The following KIAA1328 variants were observed in gnomAD, a reference collection of about 807,000 sequenced individuals.
The protein encoded by KIAA1328 is KIAA1328.
In KIAA1328, 52 loss-of-function variants were observed where a neutral mutation model predicts 68.1. The observed-to-expected ratio is 0.76, with a 90% confidence interval of 0.61 to 0.96. The LOEUF is 0.96. Among genes scored for constraint, KIAA1328 ranks in the 40% least tolerant of loss-of-function variants. The pLI is 0.00. For synonymous variants in KIAA1328, 232 were observed against 239.4 expected (o/e 0.97, Z 0.28); for missense variants, 641 against 677.6 (o/e 0.95, Z 0.60).
chr18:36,899,567 G>A (rs2048969075), intron 5 of KIAA1328, among the ~76,000 whole-genome samples: 1 of 151,860 alleles, frequency 6.6e-6, no homozygotes, highest in Non-Finnish European at 1.5e-5. Context: ...TGATTGGACT[G>A]ACGTGGCAAT....
chr18:37,117,291 C>T (rs1169516756), intron 7 of KIAA1328, among the ~76,000 whole-genome samples: 1 of 152,168 alleles, frequency 6.6e-6, no homozygotes, highest in Non-Finnish European at 1.5e-5. Flanking sequence ...GGCACATATA[C>T]ACCATGGAAT....
chr18:37,095,467 T>G (rs1441224441), intron 7 of KIAA1328, among the ~76,000 whole-genome samples: 1 of 152,092 alleles, frequency 6.6e-6, no homozygotes, highest in Non-Finnish European at 1.5e-5. Context: ...TTAAACAACA[T>G]GCTCCCAAAT....
At chr18:37,035,480 T>C (rs1258464860) in intron 6 of KIAA1328, among the ~76,000 whole-genome samples, 1 of 152,206 alleles carries the variant, frequency 6.6e-6, no homozygotes, top group Admixed American at 6.5e-5. Flanking sequence ...AAATTGCTGG[T>C]GAGTCTTTTA....
At chr18:37,066,374 A>T (rs1023492645) in intron 6 of KIAA1328, among the ~76,000 whole-genome samples, 4 of 152,316 alleles carry the variant, frequency 2.6e-5, no homozygotes, top group East Asian at 3.9e-4. Flanking sequence ...GGTTGGTTTT[A>T]TCTGTGTTCT....
chr18:36,990,820 T>A (rs1183238503), intron 6 of KIAA1328, among the ~76,000 whole-genome samples: 1 of 152,046 alleles, frequency 6.6e-6, no homozygotes, highest in Non-Finnish European at 1.5e-5. Context: ...ACTCAAAGAG[T>A]ATAAAAAAAT....
chr18:36,984,397 T>G (rs139051178), intron 6 of KIAA1328, among the ~76,000 whole-genome samples: 40 of 152,272 alleles, frequency 2.6e-4, no homozygotes, highest in African/African-American at 8.4e-4. Flanking sequence ...AACTAATAAG[T>G]GAATTTCACA....
At chr18:37,095,224 C>A (rs1378927139) in intron 7 of KIAA1328, among the ~76,000 whole-genome samples, 1 of 152,132 alleles carries the variant, frequency 6.6e-6, no homozygotes, top group African/African-American at 2.4e-5. Flanking sequence ...CACTATAAAC[C>A]ATATGGACAT....
Position 37,160,270 on chromosome 18 carries a change from C to G in KIAA1328, c.1303C>G (p.Pro435Ala). The change falls in exon 8 of 10, where the codon CCA becomes GCA. Residue 435 changes from proline to alanine, a missense_variant. Coordinates refer to ENST00000280020, the MANE Select transcript of KIAA1328 (RefSeq NM_020776.3). ...SSSIKKHQDP[P>A]NSGENRKERK... ...ATCTATTAAAAAGCACCAAGACCCC[C>G]CAAACAGTGGAGAGAATAGGAAGGA... is the stretch of plus-strand genomic sequence containing the variant. 1 of 1,613,592 alleles carries G rather than the reference C, an allele frequency of 6.2e-7. No homozygotes were observed. The highest frequency in any genetic ancestry group is 1.3e-5 in the African/African-American group (1 of 74,998).
intron 5 of KIAA1328, among the ~76,000 whole-genome samples, chr18:36,922,543 C>T (rs2049966051): frequency 6.6e-6 from 1 of 152,016 alleles, no homozygotes; most frequent in Non-Finnish European, 1.5e-5. Context: ...TATATTTTGC[C>T]ACAGGGGTTT....
intron 7 of KIAA1328, among the ~76,000 whole-genome samples, chr18:37,103,058 G>A (rs323292): frequency 0.065 from 9,884 of 152,168 alleles, 1,067 homozygotes; most frequent in African/African-American, 0.22. Context: ...ATGGGAAGAT[G>A]TCCATGCTCA....
At chr18:36,884,680 C>A (rs146007969) in intron 4 of KIAA1328, among the ~76,000 whole-genome samples, 40 of 152,260 alleles carry the variant, frequency 2.6e-4, no homozygotes, top group African/African-American at 8.7e-4. Context: ...ACACCTATTC[C>A]TGTTATCTTA....
intron 6 of KIAA1328, among the ~76,000 whole-genome samples, chr18:37,030,321 C>T (rs932079607): frequency 6.6e-6 from 1 of 151,754 alleles, no homozygotes; most frequent in Non-Finnish European, 1.5e-5. Flanking sequence ...TATAAATTTC[C>T]CTCTAAGAAC....
At chr18:37,209,271 G>A (rs1458654164) in intron 9 of KIAA1328, among the ~76,000 whole-genome samples, 1 of 152,174 alleles carries the variant, frequency 6.6e-6, no homozygotes, top group African/African-American at 2.4e-5. Context: ...CACGGAAGGT[G>A]CTGAGCCTTA....
intron 7 of KIAA1328, among the ~76,000 whole-genome samples, chr18:37,126,027 C>G (rs1477858843): frequency 6.6e-6 from 1 of 152,186 alleles, no homozygotes; most frequent in East Asian, 1.9e-4. Context: ...ATTTCAGAGT[C>G]AGAAATGATA....
chr18:37,206,524 C>T (rs2060219091), intron 9 of KIAA1328, among the ~76,000 whole-genome samples: 1 of 152,136 alleles, frequency 6.6e-6, no homozygotes, highest in Non-Finnish European at 1.5e-5. Flanking sequence ...TTTAAGTTTT[C>T]TACAATCTTG....
chr18:37,083,437 A>G (rs1281750540), intron 7 of KIAA1328, among the ~76,000 whole-genome samples: 1 of 152,240 alleles, frequency 6.6e-6, no homozygotes, highest in Non-Finnish European at 1.5e-5. Context: ...TAAAGAATAT[A>G]CTTTTACAGA....
intron 6 of KIAA1328, among the ~76,000 whole-genome samples, chr18:36,982,990 C>T (rs937010098): frequency 1.3e-5 from 2 of 150,910 alleles, no homozygotes; most frequent in Non-Finnish European, 3.0e-5. Context: ...AAGATTGTAA[C>T]AAATAGATGA....
intron 6 of KIAA1328, among the ~76,000 whole-genome samples, chr18:36,960,449 G>A (rs990092647): frequency 2.6e-5 from 4 of 152,228 alleles, no homozygotes; most frequent in South Asian, 2.1e-4. Flanking sequence ...TCTGAAGAGA[G>A]CAGTGGTTCT....
chr18:36,982,142 A>AT (rs1283054377), intron 6 of KIAA1328, among the ~76,000 whole-genome samples: 23 of 108,252 alleles, frequency 2.1e-4, no homozygotes, highest in Non-Finnish European at 3.0e-4. Context: ...TAAAAATATA[A>AT]ATAAATATAT....
Sources: gnomAD v4.1 joint callset for allele counts (sites outside exome capture counted in the v4.1 genomes callset) on GRCh38, gnomAD v4.1.1 for gene constraint, MANE v1.5 for transcripts, NCBI Gene and HGNC (gene_info 2026-07-23, HGNC 2026-07-21) for gene names.